TUBGCP4: variants seen among roughly 807,000 people sequenced by gnomAD.
The protein encoded by TUBGCP4 is tubulin gamma complex component 4.
TUBGCP4 carries 54 observed loss-of-function variants against 91.6 expected under a neutral mutation model. The ratio of observed to expected loss-of-function variants is 0.59; its 90% CI spans 0.47 to 0.74. The LOEUF (loss-of-function observed/expected upper bound fraction) is 0.74. Ranked by LOEUF, TUBGCP4 falls within the 30% of genes least tolerant of loss-of-function variation. The pLI is 0.00. For synonymous variants in TUBGCP4, 297 were observed against 302.8 expected (o/e 0.98, Z 0.20); for missense variants, 593 against 800.9 (o/e 0.74, Z 3.13).
chr15:43,406,774 G>A lies in TUBGCP4; in HGVS notation c.*1560G>A. ...AGGTGTTCTCACTTGTGCTTCCCAT[G>A]TTTATCTTACGGAAGGTCATTCCAT... On this transcript the variant is annotated 3_prime_UTR_variant, in exon 18 of 18. Transcript: ENST00000564079. 2.8e-6 allele frequency: 1 copy of A among 358,102 alleles called. No homozygotes were observed. Among genetic ancestry groups the A allele is most frequent in the South Asian group, 2.3e-5 (1 of 43,426 alleles). 22.2% of individuals were successfully genotyped at this position (358,102 alleles called of 1,614,324 possible). A position where few individuals can be genotyped will look rare whatever the true frequency, so the allele number is the denominator to read the frequency against.
chr15:43,373,994 T>TG (rs2044165222), intron 1 of TUBGCP4, among the ~76,000 whole-genome samples: 1 of 152,180 alleles, frequency 6.6e-6, no homozygotes, highest in Non-Finnish European at 1.5e-5. Flanking sequence ...ACCTCTTAAG[T>TG]TACTAACTTG....
In TUBGCP4 at chr15:43,406,572, T is replaced by C; in HGVS notation, c.*1358T>C. 2.2e-6 allele frequency: 1 copy of C among 455,940 alleles called. No individual in the cohort carries two copies. The highest frequency in any genetic ancestry group is 4.4e-6 in the Non-Finnish European group (1 of 226,756). The allele number at this position is 455,940 out of a possible 1,614,324, so 28.2% of individuals were successfully genotyped here. On this transcript the variant is annotated 3_prime_UTR_variant, in exon 18 of 18. Transcript: ENST00000564079. Reference sequence around the variant, plus strand: ...GATGGATCAAATGGCCCACAAAGCCTGAAATATTTACTCTTTGACCCTTTA... The same window carrying C: ...GATGGATCAAATGGCCCACAAAGCCCGAAATATTTACTCTTTGACCCTTTA...
chr15:43,386,344 C>CATATATATATATATACAT lies in TUBGCP4; in HGVS notation c.1014+14_1014+15insATATATATATATATACAT. ...ACTGTGGCTGAGGTTTGTGTTTCAT[C>CATATATATATATATACAT]GTATATATATATATATATATATATA... On this transcript the variant is annotated intron_variant, in intron 9 of 17. Coordinates refer to ENST00000564079, the MANE Select transcript of TUBGCP4 (RefSeq NM_014444.5). 1 of 243,226 alleles carries CATATATATATATATACAT rather than the reference C, an allele frequency of 4.1e-6. No individual in the cohort carries two copies. The highest frequency in any genetic ancestry group is 6.6e-6 in the Non-Finnish European group (1 of 151,016). 15.1% of individuals were successfully genotyped at this position (243,226 alleles called of 1,614,324 possible).
At chr15:43,384,888 C>A (rs1481084418) in intron 7 of TUBGCP4, among the ~76,000 whole-genome samples, 1 of 152,032 alleles carries the variant, frequency 6.6e-6, no homozygotes, top group African/African-American at 2.4e-5. Context: ...AAATAATAGT[C>A]CCCTAAACCA....
chr15:43,376,167 A>G lies in TUBGCP4; in HGVS notation c.148A>G (p.Thr50Ala). The G allele has an allele frequency of 2.5e-6, 4 of 1,614,080 alleles. No homozygotes were observed. The highest frequency in any genetic ancestry group is 3.4e-6 in the Non-Finnish European group (4 of 1,180,010). The change falls in exon 2 of 18, where the codon ACA becomes GCA. Residue 50 changes from threonine to alanine, a missense_variant. Physicochemically the swap from Thr to Ala is moderately conservative, Grantham distance 58. Coordinates refer to ENST00000564079, the MANE Select transcript of TUBGCP4 (RefSeq NM_014444.5). ...SVLNRLCRLGTDYIRFTEFIE... is the reference protein window; with the variant it reads ...SVLNRLCRLGADYIRFTEFIE... The stretch of plus-strand genomic sequence containing the variant: ...CCTGAATCGACTCTGCCGGCTCGGC[A>G]CAGACTATATTCGCTTCACTGAGTT...
chr15:43,404,695 T>A, intron 17 of TUBGCP4, 143 bp downstream of exon 17: 1 of 833,292 alleles, frequency 1.2e-6, no homozygotes, highest in Non-Finnish European at 1.8e-6. Flanking sequence ...TGACCATCTT[T>A]AATAATTTTA....
intron 9 of TUBGCP4, chr15:43,391,393 G>A (rs2044466097): frequency 6.6e-6 from 1 of 152,224 alleles, no homozygotes; most frequent in Admixed American, 6.5e-5. Flanking sequence ...TAGAGACGGA[G>A]TCTCAGTATG....
intron 1 of TUBGCP4, among the ~76,000 whole-genome samples, chr15:43,373,281 A>T (rs1046754675): frequency 6.6e-6 from 1 of 152,240 alleles, no homozygotes; most frequent in Non-Finnish European, 1.5e-5. Flanking sequence ...ACTGTGTTAT[A>T]TAGAATGGTA....
chr15:43,404,919 C>T (rs2044813924), intron 17 of TUBGCP4: 1 of 514,348 alleles, frequency 1.9e-6, no homozygotes, highest in Non-Finnish European at 3.4e-6. Flanking sequence ...GAGGCGACCA[C>T]CCCTTCTAAC....
In TUBGCP4 at chr15:43,407,289, C is replaced by G; in HGVS notation, c.*2075C>G. On this transcript the variant is annotated 3_prime_UTR_variant, in exon 18 of 18. Coordinates refer to ENST00000564079, the MANE Select transcript of TUBGCP4 (RefSeq NM_014444.5). ...AATAAAACTATATACAAGATCCATG[C>G]AAGGAATCCAGTTACACACAAGACA... The G allele has an allele frequency of 1.9e-6, 2 of 1,050,030 alleles. No homozygotes were observed. Among genetic ancestry groups the G allele is most frequent in the Non-Finnish European group, 2.8e-6 (2 of 702,442 alleles). The allele number at this position is 1,050,030 out of a possible 1,614,324, so 65.0% of individuals were successfully genotyped here.
intron 6 of TUBGCP4, among the ~76,000 whole-genome samples, chr15:43,380,551 C>T (rs2044271498): frequency 6.6e-6 from 1 of 152,146 alleles, no homozygotes; most frequent in African/African-American, 2.4e-5. Context: ...TTTATAATCC[C>T]ATAATGCCAC....
At position 43,387,806 on chromosome 15, in the gene TUBGCP4, T is replaced by G. The variant is rs554432725; in HGVS notation, c.1014+1476T>G. 5.5e-4 allele frequency among the ~76,000 whole-genome samples: 84 copies of G among 152,148 alleles called. 1 individual carries two copies. Among genetic ancestry groups the G allele is most frequent in the Admixed American group, 1.0e-3 (16 of 15,282 alleles). On this transcript the variant is annotated intron_variant, in intron 9 of 17. Coordinates refer to ENST00000564079, the MANE Select transcript of TUBGCP4 (RefSeq NM_014444.5). ...ACCTGCACTTGCACCAAGTCCTTAC[T>G]TCCAGAGCTTCTGATTCATAGGTCA...
rs767889745 is a variant in TUBGCP4, at chr15:43,407,910, G to C, written c.*2696G>C. ...ACCTACAGGTCTAAGGAGATCCCTGGAACAAAGACACTACACACACTCTTT... is the reference window on the plus strand; with the variant it reads ...ACCTACAGGTCTAAGGAGATCCCTGCAACAAAGACACTACACACACTCTTT... On this transcript the variant is annotated 3_prime_UTR_variant, in exon 18 of 18. Coordinates refer to ENST00000564079, the MANE Select transcript of TUBGCP4 (RefSeq NM_014444.5). 6.3e-6 allele frequency: 10 copies of C among 1,595,220 alleles called. No homozygotes were observed. The highest frequency in any genetic ancestry group is 8.5e-6 in the Non-Finnish European group (10 of 1,173,956).
chr15:43,378,546 G>A (rs1404624222), intron 5 of TUBGCP4, among the ~76,000 whole-genome samples: 1 of 152,088 alleles, frequency 6.6e-6, no homozygotes, highest in Non-Finnish European at 1.5e-5. Context: ...CTTTATTTGT[G>A]CCTTAGCTTA....
intron 13 of TUBGCP4, chr15:43,399,184 TC>T: frequency 8.2e-7 from 1 of 1,222,222 alleles, no homozygotes; most frequent in Non-Finnish European, 1.1e-6. Context: ...GGTAAATAAA[TC>T]CTATTCTACC....
At chr15:43,381,515 T>C (rs188237904) in intron 6 of TUBGCP4, among the ~76,000 whole-genome samples, 1 of 152,036 alleles carries the variant, frequency 6.6e-6, no homozygotes, top group Admixed American at 6.6e-5. Context: ...GGCAGAGGGA[T>C]CGCTTGAGCC....
rs2044973909 is a variant in TUBGCP4 at position 43,408,015 on chromosome 15, G to A, written c.*2801G>A. Reference sequence around the variant, plus strand: ...CCAGTCATGAGGATCTCAGACCAGAGCTCCAGGAAGTTCTGCTGTTGGTCT... The same window carrying A: ...CCAGTCATGAGGATCTCAGACCAGAACTCCAGGAAGTTCTGCTGTTGGTCT... On this transcript the variant is annotated 3_prime_UTR_variant, in exon 18 of 18. Coordinates refer to ENST00000564079, the MANE Select transcript of TUBGCP4 (RefSeq NM_014444.5). The A allele has an allele frequency of 1.2e-6, 2 of 1,613,976 alleles. No homozygotes were observed. Among genetic ancestry groups the A allele is most frequent in the Middle Eastern group, 3.3e-4 (2 of 6,060 alleles).
At chr15:43,396,077 C>A (rs1416244201) in intron 11 of TUBGCP4, among the ~76,000 whole-genome samples, 1 of 152,204 alleles carries the variant, frequency 6.6e-6, no homozygotes, top group African/African-American at 2.4e-5. Context: ...GCTATTGTAT[C>A]TAAAACCCCA....
chr15:43,380,513 A>G (rs1024654739), intron 6 of TUBGCP4, among the ~76,000 whole-genome samples: 2 of 152,208 alleles, frequency 1.3e-5, no homozygotes, highest in African/African-American at 4.8e-5. Context: ...GGTATTTTCA[A>G]ATTGAAGGTC....
Sources: allele counts gnomAD v4.1 joint callset (sites outside exome capture counted in the v4.1 genomes callset), GRCh38; gene constraint gnomAD v4.1.1; transcripts MANE v1.5; gene names NCBI Gene and HGNC (gene_info 2026-07-23, HGNC 2026-07-21).